ZNF671: variants seen among roughly 807,000 people sequenced by gnomAD.
ZNF671 encodes the protein zinc finger protein 671.
A neutral mutation model predicts 16.6 loss-of-function variants in ZNF671; 19 were observed. The ratio of observed to expected loss-of-function variants is 1.14; its 90% CI spans 0.80 to 1.68. The LOEUF (loss-of-function observed/expected upper bound fraction) is 1.68. Among genes scored for constraint, ZNF671 ranks in the 40% most tolerant of loss-of-function variants. The pLI, the probability that ZNF671 is intolerant of heterozygous loss-of-function variation, is 0.00. For synonymous variants in ZNF671, 238 were observed against 236.3 expected (o/e 1.01, Z -0.06); for missense variants, 637 against 659.8 (o/e 0.97, Z 0.38).
At chr19:57,726,319 T>TA (rs986387304) in intron 1 of ZNF671, among the ~76,000 whole-genome samples, 25 of 150,290 alleles carry the variant, frequency 1.7e-4, no homozygotes, top group East Asian at 5.9e-4. Context: ...TCAAAAAAAA[T>TA]AAAAAAAATA....
chr19:57,720,914 T>C lies in ZNF671; in HGVS notation c.1172A>G (p.His391Arg), dbSNP rs776390860. 6 of 1,614,146 alleles carry C rather than the reference T, an allele frequency of 3.7e-6. No individual in the cohort carries two copies. Among genetic ancestry groups the C allele is most frequent in the Admixed American group, 3.3e-5 (2 of 60,020 alleles). The change falls in exon 4 of 4, where the codon CAC becomes CGC. Residue 391 changes from histidine to arginine, a missense_variant. By Grantham distance (29) the His-to-Arg change is conservative. Coordinates refer to ENST00000317398, the MANE Select transcript of ZNF671 (RefSeq NM_024833.3). ...KSNLIRHQEV[H>R]TGARPYVCSE... is the part of the protein sequence containing the mutation. Reference sequence around the variant, plus strand: ...GCATACATAAGGCCTGGCTCCTGTGTGAACTTCCTGGTGTCGAATGAGATT... The same window carrying C: ...GCATACATAAGGCCTGGCTCCTGTGCGAACTTCCTGGTGTCGAATGAGATT...
intron 3 of ZNF671, chr19:57,722,049 C>T (rs1985893980): frequency 7.1e-6 from 4 of 562,674 alleles, no homozygotes; most frequent in Non-Finnish European, 9.3e-6. Flanking sequence ...AATATATGCA[C>T]ATCTTGTGAA....
Position 57,722,326 on chromosome 19 carries a change from T to C in ZNF671, c.378A>G (p.Gly126=), listed in dbSNP as rs770054231. The C allele has an allele frequency of 2.4e-5, 39 of 1,613,888 alleles. No homozygotes were observed. Among genetic ancestry groups the C allele is most frequent in the Non-Finnish European group, 3.3e-5 (39 of 1,179,976 alleles). ...TSATEREAQR[G]LRPGCWHGVE... ...CCGATGTCCACTCACCAGGTCTAAG[T>C]CCCCTCTGGGCCTCTCTTTCTGTGG... The change falls in exon 3 of 4, where the codon GGA becomes GGG. Residue 126 remains glycine, a synonymous_variant. Coordinates refer to ENST00000317398, the MANE Select transcript of ZNF671 (RefSeq NM_024833.3).
At chr19:57,724,021 C>A (rs1027316036) in intron 1 of ZNF671, among the ~76,000 whole-genome samples, 1 of 145,268 alleles carries the variant, frequency 6.9e-6, no homozygotes, top group African/African-American at 2.6e-5. Flanking sequence ...TCCAGTCTGG[C>A]GACAGAGTGA....
intron 1 of ZNF671, among the ~76,000 whole-genome samples, chr19:57,725,610 A>G (rs1028771912): frequency 6.7e-6 from 1 of 148,728 alleles, no homozygotes; most frequent in Non-Finnish European, 1.5e-5. Context: ...CCTGGGTGAC[A>G]AGAGCAAGAC....
Position 57,720,311 on chromosome 19 carries a change from T to C in ZNF671, c.*170A>G. ...GGGCTGAACAGAGACAGCACATTGC[T>C]TAGACTGCTAAGGCCTGTGTCCGGT... On this transcript the variant is annotated 3_prime_UTR_variant, in exon 4 of 4. Coordinates refer to ENST00000317398, the MANE Select transcript of ZNF671 (RefSeq NM_024833.3). The C allele has an allele frequency of 1.1e-6, 1 of 939,730 alleles. No homozygotes were observed. The highest frequency in any genetic ancestry group is 2.3e-5 in the Admixed American group (1 of 43,210). 58.2% of individuals were successfully genotyped at this position (939,730 alleles called of 1,614,324 possible).
chr19:57,727,571 A>G lies in ZNF671; in HGVS notation c.-43T>C. ...AACACCTCCACCTGCGGCCCACACA[A>G]GCGTTACAGAACCCCGGCCAGGGAC... is the stretch of plus-strand genomic sequence containing the variant. On this transcript the variant is annotated 5_prime_UTR_variant, in exon 1 of 4. Coordinates refer to ENST00000317398, the MANE Select transcript of ZNF671 (RefSeq NM_024833.3). 6.4e-7 allele frequency: 1 copy of G among 1,572,864 alleles called. No individual in the cohort carries two copies. Among genetic ancestry groups the G allele is most frequent in the Non-Finnish European group, 8.7e-7 (1 of 1,152,080 alleles).
At position 57,720,497 on chromosome 19, in the gene ZNF671, G is replaced by A. The variant is rs1476851048; in HGVS notation, c.1589C>T (p.Ala530Val). ...QTLVLHQRVH[A>V]GEKL ...GCTACACTCTTAAAGCTTTTCTCCA[G>A]CATGAACCCTCTGGTGCAGAACAAG... Residue 530 changes from alanine (A) to valine (V), a missense_variant, in exon 4 of 4, where the codon GCT (alanine) becomes GTT (valine). Transcript: ENST00000317398. 1 of 1,613,232 alleles carries A rather than the reference G, an allele frequency of 6.2e-7. No homozygotes were observed. Among genetic ancestry groups the A allele is most frequent in the East Asian group, 2.2e-5 (1 of 44,840 alleles).
rs935128623 is a variant in ZNF671, at chr19:57,720,227, C to T, written c.*254G>A. 1.1e-5 allele frequency: 6 copies of T among 552,834 alleles called. No individual in the cohort carries two copies. Among genetic ancestry groups the T allele is most frequent in the African/African-American group, 1.8e-5 (1 of 54,290 alleles). The allele number at this position is 552,834 out of a possible 1,614,324, so 34.2% of individuals were successfully genotyped here. A position where few individuals can be genotyped will look rare whatever the true frequency, so the allele number is the denominator to read the frequency against. ...TGTCCATATCTATGAAGTTTCACTT[C>T]TTACTGATGGTTCCCTCCCAATGGC... On this transcript the variant is annotated 3_prime_UTR_variant, in exon 4 of 4. Transcript: ENST00000317398.
In ZNF671 at chr19:57,727,540, T is replaced by C. The variant is rs1986094406; in HGVS notation, c.-12A>G. 1 of 1,590,934 alleles carries C rather than the reference T, an allele frequency of 6.3e-7. No homozygotes were observed. Among genetic ancestry groups the C allele is most frequent in the South Asian group, 1.1e-5 (1 of 89,898 alleles). On this transcript the variant is annotated 5_prime_UTR_variant, in exon 1 of 4. Transcript: ENST00000317398. ...ACTGGGGACAACATCTCCTCCGCGC[T>C]TTCCCAACACCTCCACCTGCGGCCC... is the stretch of plus-strand genomic sequence containing the variant.
chr19:57,727,271 C>A (rs1986079218), intron 1 of ZNF671, 120 bp downstream of exon 1: 1 of 1,397,752 alleles, frequency 7.2e-7, no homozygotes, highest in East Asian at 2.6e-5. Context: ...CACCCACCCA[C>A]ACCGAGATAG....
Position 57,721,467 on chromosome 19 carries a change from A to C in ZNF671, c.619T>G (p.Phe207Val), listed in dbSNP as rs1985870533. The C allele has an allele frequency of 6.2e-7, 1 of 1,614,074 alleles. No individual in the cohort carries two copies. Among genetic ancestry groups the C allele is most frequent in the Non-Finnish European group, 8.5e-7 (1 of 1,180,048 alleles). The change falls in exon 4 of 4, where the codon TTT becomes GTT. Residue 207 changes from phenylalanine (F) to valine (V), a missense_variant. Physicochemically the swap from Phe to Val is conservative, Grantham distance 50. Transcript: ENST00000317398. ...CGKQFWFSTD[F>V]DQHQNQPNGG... ...TTGGGCTGGTTCTGGTGCTGGTCAA[A>C]GTCTGTACTGAACCAGAATTGCTTT...
Position 57,725,616 on chromosome 19 carries a change from A to G in ZNF671, c.138+1775T>C, listed in dbSNP as rs191831629. Among the ~76,000 whole-genome samples the G allele has an allele frequency of 5.6e-3, 843 of 150,588 alleles. 9 individuals carry two copies. The highest frequency in any genetic ancestry group is 0.02 in the African/African-American group (794 of 40,558). On this transcript the variant is annotated intron_variant, in intron 1 of 3. Transcript: ENST00000317398. ...GCACTCCAGCCTGGGTGACAAGAGC[A>G]AGACTCCATCTCAAAAAAACAAAAC...
In ZNF671 at chr19:57,720,957, A is replaced by C. The variant is rs1189126398; in HGVS notation, c.1129T>G (p.Phe377Val). ...RLYQCGKCGK[F>V]FSSKSNLIRH... ...ATGAGATTAGACTTACTGCTAAAAA[A>C]TTTCCCACATTTGCCACACTGATAG... is the stretch of plus-strand genomic sequence containing the variant. The change falls in exon 4 of 4, where the codon TTT becomes GTT. Residue 377 changes from phenylalanine (F) to valine (V), a missense_variant. Physicochemically the swap from Phe to Val is conservative, Grantham distance 50. Coordinates refer to ENST00000317398, the MANE Select transcript of ZNF671 (RefSeq NM_024833.3). 1.9e-6 allele frequency: 3 copies of C among 1,613,900 alleles called. No homozygotes were observed. Among genetic ancestry groups the C allele is most frequent in the Non-Finnish European group, 2.5e-6 (3 of 1,180,006 alleles).
In ZNF671 at chr19:57,720,210, T is replaced by C; in HGVS notation, c.*271A>G. The C allele has an allele frequency of 2.0e-6, 1 of 508,044 alleles. No individual in the cohort carries two copies. Among genetic ancestry groups the C allele is most frequent in the East Asian group, 3.1e-5 (1 of 32,478 alleles). The allele number at this position is 508,044 out of a possible 1,614,324, so 31.5% of individuals were successfully genotyped here. ...AATCTCCCCAGTGGGAATGTCCATA[T>C]CTATGAAGTTTCACTTCTTACTGAT... On this transcript the variant is annotated 3_prime_UTR_variant, in exon 4 of 4. Coordinates refer to ENST00000317398, the MANE Select transcript of ZNF671 (RefSeq NM_024833.3).
chr19:57,720,990 C>G lies in ZNF671; in HGVS notation c.1096G>C (p.Glu366Gln), dbSNP rs1296630526. ...LIEHRRVHTG[E>Q]RLYQCGKCGK... The stretch of plus-strand genomic sequence containing the variant: ...CATTTGCCACACTGATAGAGTCTTT[C>G]ACCCGTGTGAACTCGCCTGTGCTCA... Residue 366 changes from glutamate (E) to glutamine (Q), a missense_variant, in exon 4 of 4, where the codon GAA (glutamate) becomes CAA (glutamine). Glu to Gln is a conservative substitution (Grantham distance 29). Transcript: ENST00000317398. 1 of 1,614,224 alleles carries G rather than the reference C, an allele frequency of 6.2e-7. No individual in the cohort carries two copies. The highest frequency in any genetic ancestry group is 2.2e-5 in the East Asian group (1 of 44,886).
At chr19:57,723,440 CA>C in intron 1 of ZNF671, 100 bp from the exon 2 acceptor site, 1 of 1,429,026 alleles carries the variant, frequency 7.0e-7, no homozygotes, top group Non-Finnish European at 9.5e-7. Context: ...CCCAGGTTCC[CA>C]AGTCAGAGAT....
chr19:57,723,417 T>C (rs1433107015), intron 1 of ZNF671, 77 bp from the exon 2 acceptor site: 1 of 1,509,178 alleles, frequency 6.6e-7, no homozygotes, highest in Non-Finnish European at 8.9e-7. Flanking sequence ...CACAACATCC[T>C]GCTAACTAAC....
In ZNF671 at chr19:57,727,569, C is replaced by A; in HGVS notation, c.-41G>T. Reference sequence around the variant, plus strand: ...CCAACACCTCCACCTGCGGCCCACACAAGCGTTACAGAACCCCGGCCAGGG... The same window carrying A: ...CCAACACCTCCACCTGCGGCCCACAAAAGCGTTACAGAACCCCGGCCAGGG... On this transcript the variant is annotated 5_prime_UTR_variant, in exon 1 of 4. Coordinates refer to ENST00000317398, the MANE Select transcript of ZNF671 (RefSeq NM_024833.3). 6.4e-7 allele frequency: 1 copy of A among 1,574,588 alleles called. No homozygotes were observed. Among genetic ancestry groups the A allele is most frequent in the South Asian group, 1.1e-5 (1 of 88,074 alleles).
Sources: allele counts gnomAD v4.1 joint callset (sites outside exome capture counted in the v4.1 genomes callset), GRCh38; gene constraint gnomAD v4.1.1; transcripts MANE v1.5; gene names NCBI Gene and HGNC (gene_info 2026-07-23, HGNC 2026-07-21).